Variants in GALNT17 observed in about 807,000 individuals in gnomAD.
GALNT17 encodes the protein polypeptide N-acetylgalactosaminyltransferase 17.
Under a neutral mutation model 63.7 loss-of-function variants are expected in GALNT17, and 29 were observed. The ratio of observed to expected loss-of-function variants is 0.46; its 90% CI spans 0.34 to 0.62. The LOEUF (loss-of-function observed/expected upper bound fraction) is 0.62, where lower values mean the gene tolerates loss of function less well. Among genes scored for constraint, GALNT17 ranks in the 20% least tolerant of loss-of-function variants. The pLI is 0.01. For synonymous variants in GALNT17, 305 were observed against 318.3 expected (o/e 0.96, Z 0.45); for missense variants, 603 against 799.6 (o/e 0.75, Z 2.97).
chr7:71,568,470 G>T (rs1562694314), intron 5 of GALNT17, among the ~76,000 whole-genome samples: 1 of 152,148 alleles, frequency 6.6e-6, no homozygotes, highest in Non-Finnish European at 1.5e-5. Context: ...GATGACAGAG[G>T]CATGTCTGCT....
At position 71,563,977 on chromosome 7, in the gene GALNT17, G is replaced by A. The variant is rs1003679883; in HGVS notation, c.963-7308G>A. Among the ~76,000 whole-genome samples, 13 of 152,158 alleles carry A rather than the reference G, an allele frequency of 8.5e-5. 1 individual carries two copies. In the Middle Eastern group the frequency reaches 0.01, roughly 119 times the overall value. On this transcript the variant is annotated intron_variant, in intron 5 of 10. Coordinates refer to ENST00000333538, the MANE Select transcript of GALNT17 (RefSeq NM_022479.3). The stretch of plus-strand genomic sequence containing the variant: ...TGAGCTAAAGCGATCCTCCTGTCTC[G>A]GCCTTCCAAAGTATGAGGATTACAG...
chr7:71,525,553 A>C (rs1788610057), intron 5 of GALNT17, among the ~76,000 whole-genome samples: 1 of 151,654 alleles, frequency 6.6e-6, no homozygotes, highest in African/African-American at 2.4e-5. Context: ...TGATGGTTTT[A>C]TGAGGGGCTT....
At chr7:71,452,625 G>A (rs1319743177) in intron 5 of GALNT17, among the ~76,000 whole-genome samples, 2 of 152,182 alleles carry the variant, frequency 1.3e-5, no homozygotes, top group African/African-American at 4.8e-5. Context: ...GGATAAAAAA[G>A]TATTTATTGG....
intron 1 of GALNT17, among the ~76,000 whole-genome samples, chr7:71,154,211 GGA>G (rs1269558541): frequency 4.4e-5 from 6 of 136,056 alleles, no homozygotes; most frequent in Non-Finnish European, 8.3e-5. Flanking sequence ...GGGACCATGT[GGA>G]GAGAGAGAGA....
chr7:71,608,487 A>G (rs547657081), intron 6 of GALNT17, among the ~76,000 whole-genome samples: 20 of 152,346 alleles, frequency 1.3e-4, no homozygotes, highest in Admixed American at 1.2e-3. Flanking sequence ...TGTTACACAA[A>G]TACAAGTAGT....
chr7:71,398,694 G>A (rs1386781649), intron 3 of GALNT17, among the ~76,000 whole-genome samples: 1 of 152,150 alleles, frequency 6.6e-6, no homozygotes, highest in Non-Finnish European at 1.5e-5. Flanking sequence ...AGGGGGAATG[G>A]GGAGTTATTG....
At chr7:71,318,852 A>G (rs1374762126) in intron 1 of GALNT17, among the ~76,000 whole-genome samples, 2 of 152,300 alleles carry the variant, frequency 1.3e-5, no homozygotes, top group South Asian at 4.1e-4. Flanking sequence ...CCCAAGAACA[A>G]TAAATTCAGT....
At chr7:71,284,951 G>T (rs574309888) in intron 1 of GALNT17, among the ~76,000 whole-genome samples, 1 of 152,074 alleles carries the variant, frequency 6.6e-6, no homozygotes, top group African/African-American at 2.4e-5. Flanking sequence ...TCAACTGGTG[G>T]GGTGGCATCC....
At position 71,132,542 on chromosome 7, in the gene GALNT17, C is replaced by T. The variant is rs1201157914; in HGVS notation, c.-261C>T. On this transcript the variant is annotated 5_prime_UTR_variant, in exon 1 of 11. Coordinates refer to ENST00000333538, the MANE Select transcript of GALNT17 (RefSeq NM_022479.3). ...TTTCGCGGAGACGCCTGGACGGGGC[C>T]GTGCGCCGTGGACTGAGCAGGCGTC... 4.3e-6 allele frequency: 2 copies of T among 465,788 alleles called. No individual in the cohort carries two copies. The allele number at this position is 465,788 out of a possible 1,614,324, so 28.9% of individuals were successfully genotyped here. A position where few individuals can be genotyped will look rare whatever the true frequency, so the allele number is the denominator to read the frequency against.
At chr7:71,651,210 G>A (rs1790748843) in intron 6 of GALNT17, among the ~76,000 whole-genome samples, 1 of 107,230 alleles carries the variant, frequency 9.3e-6, no homozygotes. Context: ...GAGAGGAAGG[G>A]ATGGGAGCAC....
intron 1 of GALNT17, among the ~76,000 whole-genome samples, chr7:71,267,367 G>GTTTTTTTTTTTTTTTTTTTTT (rs11297482): frequency 6.8e-6 from 1 of 146,348 alleles, no homozygotes; most frequent in Non-Finnish European, 1.5e-5. Context: ...GGATTTTCTA[G>GTTTTTTTTTTTTTTTTTTTTT]TTTTTTTTTT....
chr7:71,153,933 TAAAAATA>T (rs1788180879), intron 1 of GALNT17, among the ~76,000 whole-genome samples: 1 of 135,820 alleles, frequency 7.4e-6, no homozygotes, highest in Admixed American at 7.3e-5. Flanking sequence ...TAAAATAAAA[TAAAAATA>T]AAAAATAAAA....
chr7:71,217,140 G>GTTTTTTTTTTTTTTTTTTTTTT (rs200574411), intron 1 of GALNT17, among the ~76,000 whole-genome samples: 1 of 95,216 alleles, frequency 1.1e-5, no homozygotes, highest in Non-Finnish European at 2.1e-5. Flanking sequence ...ATTTTTTCGT[G>GTTTTTTTTTTTTTTTTTTTTTT]TTTTGTTTTT....
rs1261238713 is a variant in GALNT17, at chr7:71,259,646, G to GTT, written c.239-75892_239-75891dup. Among the ~76,000 whole-genome samples, 52 of 136,464 alleles carry GTT rather than the reference G, an allele frequency of 3.8e-4. 1 individual carries two copies. The highest frequency in any genetic ancestry group is 5.6e-4 in the Non-Finnish European group (36 of 64,566). 89.5% of individuals were successfully genotyped at this position (136,464 alleles called of 152,430 possible). On this transcript the variant is annotated intron_variant, in intron 1 of 10. Coordinates refer to ENST00000333538, the MANE Select transcript of GALNT17 (RefSeq NM_022479.3). ...GTCCTGTTTTGTTTTTTGTTTTTTT[G>GTT]TTTTTTTTTTTTTGAGACGGAGTCT...
intron 1 of GALNT17, among the ~76,000 whole-genome samples, chr7:71,135,536 G>T (rs372049539): frequency 6.6e-6 from 1 of 152,230 alleles, no homozygotes; most frequent in Non-Finnish European, 1.5e-5. Flanking sequence ...TCAGGCTCCA[G>T]AATGGAGGTT....
chr7:71,606,937 C>CT (rs1186700700), intron 6 of GALNT17, among the ~76,000 whole-genome samples: 1 of 152,162 alleles, frequency 6.6e-6, no homozygotes, highest in African/African-American at 2.4e-5. Flanking sequence ...GAAAGTAAAG[C>CT]TACACAGTAA....
chr7:71,629,737 G>T (rs1790428441), intron 6 of GALNT17, among the ~76,000 whole-genome samples: 1 of 152,148 alleles, frequency 6.6e-6, no homozygotes, highest in African/African-American at 2.4e-5. Flanking sequence ...CCCTGCCTCA[G>T]CTTCCCAAGT....
chr7:71,263,123 G>A (rs1790415786), intron 1 of GALNT17, among the ~76,000 whole-genome samples: 3 of 152,272 alleles, frequency 2.0e-5, no homozygotes, highest in South Asian at 4.1e-4. Flanking sequence ...CCTTTGGGAG[G>A]CTGAGGCAGG....
At chr7:71,200,230 C>G (rs988665491) in intron 1 of GALNT17, among the ~76,000 whole-genome samples, 5 of 152,080 alleles carry the variant, frequency 3.3e-5, no homozygotes, top group Admixed American at 6.5e-5. Context: ...CTTGAAAGCC[C>G]CATGTCTTTA....
Sources: allele counts gnomAD v4.1 joint callset (sites outside exome capture counted in the v4.1 genomes callset), GRCh38; gene constraint gnomAD v4.1.1; transcripts MANE v1.5; gene names NCBI Gene and HGNC (gene_info 2026-07-23, HGNC 2026-07-21).